Variants in CTNNA3 observed in about 807,000 individuals in gnomAD.
CTNNA3 encodes catenin alpha-3.
Under a neutral mutation model 95.7 loss-of-function variants are expected in CTNNA3, and 76 were observed. The observed-to-expected ratio is 0.79, with a 90% CI of 0.66 to 0.96. CTNNA3 has a LOEUF of 0.96. Among genes scored for constraint, CTNNA3 ranks in the 40% least tolerant of loss-of-function variants. CTNNA3 has a pLI of 0.00. For synonymous variants in CTNNA3, 431 were observed against 374.4 expected, an observed-to-expected ratio of 1.15 and a Z score of -1.74; for missense variants, 1,191 against 1,089.8, an observed-to-expected ratio of 1.09 and a Z score of -1.31.
chr10:66,212,868 T>TAGCACATGCCTGTAATCCC (rs1411639714), intron 13 of CTNNA3, among the ~76,000 whole-genome samples: 8 of 152,084 alleles, frequency 5.3e-5, no homozygotes, highest in African/African-American at 9.7e-5. Flanking sequence ...GTAGTTTTAG[T>TAGCACATGCCTGTAATCCC]AGCACATGCC....
rs369733981 is a variant in CTNNA3 at position 67,728,053 on chromosome 10, T to C, written c.-2+35381A>G. Among the ~76,000 whole-genome samples, 17 of 141,820 alleles carry C rather than the reference T, an allele frequency of 1.2e-4. No homozygotes were observed. The East Asian group carries it at 2.8e-3, about 23-fold the overall frequency. The allele number at this position is 141,820 out of a possible 152,430, so 93.0% of individuals were successfully genotyped here. A position where few individuals can be genotyped will look rare whatever the true frequency, so the allele number is the denominator to read the frequency against. ...TATGATATATAATTATAATTATATATAATTATATGTATATTACATATTATA... is the reference window on the plus strand; with the variant it reads ...TATGATATATAATTATAATTATATACAATTATATGTATATTACATATTATA... On this transcript the variant is annotated intron_variant, in intron 1 of 17. Coordinates refer to the CTNNA3 transcript ENST00000684154.
chr10:67,748,559 A>G (rs1347549644), intron 1 of CTNNA3, among the ~76,000 whole-genome samples: 2 of 152,194 alleles, frequency 1.3e-5, no homozygotes, highest in Non-Finnish European at 2.9e-5. Context: ...ACGTTGAGGG[A>G]ATTTGTCACT....
intron 7 of CTNNA3, among the ~76,000 whole-genome samples, chr10:67,172,044 C>A (rs1379217619): frequency 2.0e-5 from 3 of 152,164 alleles, no homozygotes; most frequent in Non-Finnish European, 4.4e-5. Flanking sequence ...ATATTTCCTA[C>A]AACAAACAAC....
At chr10:67,460,832 T>C (rs1445210793) in intron 5 of CTNNA3, among the ~76,000 whole-genome samples, 1 of 152,116 alleles carries the variant, frequency 6.6e-6, no homozygotes, top group Non-Finnish European at 1.5e-5. Context: ...GAAAATATAT[T>C]GTGTCCAGGT....
At chr10:67,691,862 C>T (rs1260492762) in intron 1 of CTNNA3, among the ~76,000 whole-genome samples, 1 of 148,144 alleles carries the variant, frequency 6.8e-6, no homozygotes, top group Non-Finnish European at 1.5e-5. Flanking sequence ...CTCTGCCTGG[C>T]CAGCTGCCCC....
At chr10:66,222,886 T>C (rs973412795) in intron 13 of CTNNA3, among the ~76,000 whole-genome samples, 3 of 152,156 alleles carry the variant, frequency 2.0e-5, no homozygotes, top group Non-Finnish European at 4.4e-5. Context: ...GTTATTCTCT[T>C]CTAGACAAAG....
intron 15 of CTNNA3, among the ~76,000 whole-genome samples, chr10:66,006,488 T>C (rs569481333): frequency 2.0e-4 from 31 of 152,268 alleles, no homozygotes; most frequent in African/African-American, 5.8e-4. Context: ...ACAGGTCTTT[T>C]CTTGCCTTCC....
At chr10:66,737,007 T>C (rs1849166017) in intron 9 of CTNNA3, among the ~76,000 whole-genome samples, 2 of 152,188 alleles carry the variant, frequency 1.3e-5, no homozygotes, top group Admixed American at 6.5e-5. Context: ...TAAGATTCAC[T>C]TTATCTCTGC....
intron 11 of CTNNA3, among the ~76,000 whole-genome samples, chr10:66,500,946 T>G (rs1353990604): frequency 1.3e-5 from 2 of 152,164 alleles, no homozygotes; most frequent in Non-Finnish European, 2.9e-5. Context: ...TGGTTTAGAA[T>G]TTTAATAGTT....
chr10:66,550,117 T>C (rs779675123), intron 10 of CTNNA3, among the ~76,000 whole-genome samples: 4 of 152,184 alleles, frequency 2.6e-5, no homozygotes, highest in Non-Finnish European at 5.9e-5. Context: ...TGAGGCCTAT[T>C]ATCAGGCACA....
intron 5 of CTNNA3, among the ~76,000 whole-genome samples, chr10:67,317,556 G>A (rs1318191114): frequency 6.6e-6 from 1 of 151,942 alleles, no homozygotes; most frequent in Non-Finnish European, 1.5e-5. Flanking sequence ...CTCCCAAGTA[G>A]CTGGGACTAC....
intron 7 of CTNNA3, among the ~76,000 whole-genome samples, chr10:67,141,616 T>C (rs1398081277): frequency 6.6e-6 from 1 of 152,180 alleles, no homozygotes; most frequent in Non-Finnish European, 1.5e-5. Context: ...CCATTTTTGT[T>C]TGATAATGGC....
At chr10:67,290,664 G>C (rs1050450665) in intron 5 of CTNNA3, among the ~76,000 whole-genome samples, 1 of 152,104 alleles carries the variant, frequency 6.6e-6, no homozygotes, top group African/African-American at 2.4e-5. Flanking sequence ...TACATCACTA[G>C]CAGGATAACC....
chr10:67,729,145 G>A (rs1841260953), intron 1 of CTNNA3, among the ~76,000 whole-genome samples: 1 of 152,060 alleles, frequency 6.6e-6, no homozygotes, highest in African/African-American at 2.4e-5. Context: ...ATGTTTAAAA[G>A]CAGACTCTGG....
intron 5 of CTNNA3, among the ~76,000 whole-genome samples, chr10:67,393,596 A>G (rs1417116302): frequency 2.0e-5 from 3 of 152,246 alleles, no homozygotes; most frequent in South Asian, 2.1e-4. Flanking sequence ...TTTGCCGCTC[A>G]TTGCCATTAT....
At chr10:67,646,337 A>G (rs1265139195) in intron 2 of CTNNA3, among the ~76,000 whole-genome samples, 1 of 150,644 alleles carries the variant, frequency 6.6e-6, no homozygotes, top group African/African-American at 2.4e-5. Context: ...TTAACATGAA[A>G]CTGTTTAGTG....
At chr10:66,168,530 C>T (rs532379137) in intron 13 of CTNNA3, among the ~76,000 whole-genome samples, 10 of 152,006 alleles carry the variant, frequency 6.6e-5, no homozygotes, top group East Asian at 1.9e-4. Context: ...CTCCTTTGCC[C>T]GGAATGTTCT....
intron 13 of CTNNA3, among the ~76,000 whole-genome samples, chr10:66,162,134 T>C (rs1172406425): frequency 6.6e-6 from 1 of 152,154 alleles, no homozygotes; most frequent in Non-Finnish European, 1.5e-5. Flanking sequence ...TATCCTTGCA[T>C]TGGGCTTTGC....
intron 7 of CTNNA3, among the ~76,000 whole-genome samples, chr10:67,001,827 C>G (rs1234332744): frequency 6.6e-6 from 1 of 152,170 alleles, no homozygotes; most frequent in Non-Finnish European, 1.5e-5. Context: ...TTTCTACTGA[C>G]TGTATCTCTT....
Sources: allele counts gnomAD v4.1 joint callset (sites outside exome capture counted in the v4.1 genomes callset), GRCh38; gene constraint gnomAD v4.1.1; transcripts MANE v1.5; gene names NCBI Gene and HGNC (gene_info 2026-07-23, HGNC 2026-07-21).